IL23R: variants seen among roughly 807,000 people sequenced by gnomAD.
The protein encoded by IL23R is interleukin 23 receptor, also known as interleukin-23 receptor.
Under a neutral mutation model 56.9 loss-of-function variants are expected in IL23R, and 34 were observed. The observed-to-expected ratio is 0.60, with a 90% CI of 0.45 to 0.80. The LOEUF is 0.80. Ranked by LOEUF, IL23R falls within the 30% of genes least tolerant of loss-of-function variation. IL23R has a pLI of 0.00. For synonymous variants in IL23R, 230 were observed against 249.2 expected, an observed-to-expected ratio of 0.92 and a Z score of 0.73; for missense variants, 635 against 730.0, an observed-to-expected ratio of 0.87 and a Z score of 1.50.
downstream of IL23R, among the ~76,000 whole-genome samples, chr1:67,263,141 A>C (rs1385255581): frequency 9.0e-6 from 1 of 110,874 alleles, no homozygotes; most frequent in Admixed American, 1.1e-4. Context: ...TTAACAGGTC[A>C]CCCAGGCTGG....
At chr1:67,263,863 C>CA (rs11321157), downstream of IL23R, among the ~76,000 whole-genome samples, 12,215 of 134,030 alleles carry the variant, frequency 0.091, 656 homozygotes, top group Admixed American at 0.15. Flanking sequence ...GACTCCATCG[C>CA]AAAAAAAAAA....
intron 6 of IL23R, among the ~76,000 whole-genome samples, chr1:67,213,277 T>C (rs544671827): frequency 6.6e-6 from 1 of 152,286 alleles, no homozygotes; most frequent in Non-Finnish European, 1.5e-5. Context: ...GGGGATCCAA[T>C]GATGTAAGAA....
chr1:67,240,213 G>T lies in IL23R; in HGVS notation c.1080G>T (p.Met360Ile), dbSNP rs751263927. The T allele has an allele frequency of 1.3e-5, 21 of 1,612,678 alleles. No individual in the cohort carries two copies. Among genetic ancestry groups the T allele is most frequent in the Non-Finnish European group, 1.8e-5 (21 of 1,178,946 alleles). The change falls in exon 9 of 11, where the codon ATG (methionine) becomes ATT (isoleucine). Residue 360 changes from methionine to isoleucine, a missense_variant. Transcript: ENST00000347310. Reference sequence around the variant, plus strand: ...GAGACATTGGACTTTTATTGGGAATGATCGTCTTTGCTGTTATGTTGTCAA... The same window carrying T: ...GAGACATTGGACTTTTATTGGGAATTATCGTCTTTGCTGTTATGTTGTCAA... ...NRGDIGLLLG[M>I]IVFAVMLSIL...
rs75814578 is a variant in IL23R, at chr1:67,154,257, T to C, written c.-633-13835T>C. Among the ~76,000 whole-genome samples the C allele has an allele frequency of 5.2e-3, 796 of 152,356 alleles. 8 individuals are homozygous for C. Among genetic ancestry groups the C allele is most frequent in the African/African-American group, 0.017 (705 of 41,578 alleles). On this transcript the variant is annotated intron_variant, in intron 1 of 10. Transcript: ENST00000637002. ...TGTTGATTAGGGATGGAGAGTTCTTTAGATGTCTATTAGGTGCACTTGATC... is the reference window on the plus strand; with the variant it reads ...TGTTGATTAGGGATGGAGAGTTCTTCAGATGTCTATTAGGTGCACTTGATC...
At chr1:67,147,998 G>T (rs902474374) in intron 1 of IL23R, among the ~76,000 whole-genome samples, 7 of 152,212 alleles carry the variant, frequency 4.6e-5, no homozygotes, top group African/African-American at 1.7e-4. Flanking sequence ...CTTGAGCCAT[G>T]TGGTGAGTGT....
Position 67,259,438 on chromosome 1 carries a change from A to G in IL23R, c.*310A>G. ...TTAATTTTAGCCATTCTTCTGCCTC[A>G]TTTCTTAAAATTAGAGAATTAAGGT... On this transcript the variant is annotated 3_prime_UTR_variant, in exon 11 of 11. Coordinates refer to ENST00000347310, the MANE Select transcript of IL23R (RefSeq NM_144701.3). The G allele has an allele frequency of 2.8e-6, 1 of 355,210 alleles. No individual in the cohort carries two copies. Among genetic ancestry groups the G allele is most frequent in the Non-Finnish European group, 5.2e-6 (1 of 192,062 alleles). The allele number at this position is 355,210 out of a possible 1,614,324, so 22.0% of individuals were successfully genotyped here. A position where few individuals can be genotyped will look rare whatever the true frequency, so the allele number is the denominator to read the frequency against.
At chr1:67,187,111 T>A (rs1647395908) in intron 4 of IL23R, among the ~76,000 whole-genome samples, 1 of 152,258 alleles carries the variant, frequency 6.6e-6, no homozygotes, top group Non-Finnish European at 1.5e-5. Context: ...ATAGAATTCC[T>A]GGGTCTCTTG....
At position 67,259,193 on chromosome 1, in the gene IL23R, A is replaced by G. The variant is rs1427518330; in HGVS notation, c.*65A>G. On this transcript the variant is annotated 3_prime_UTR_variant, in exon 11 of 11. Coordinates refer to ENST00000347310, the MANE Select transcript of IL23R (RefSeq NM_144701.3). ...AATCTGAACTTGGGTTTTCCCTGCAATAGAAATTGAATTCTGCCTCTTTTT... is the reference window on the plus strand; with the variant it reads ...AATCTGAACTTGGGTTTTCCCTGCAGTAGAAATTGAATTCTGCCTCTTTTT... The G allele has an allele frequency of 2.0e-6, 3 of 1,497,480 alleles. No homozygotes were observed. The highest frequency in any genetic ancestry group is 2.8e-6 in the Non-Finnish European group (3 of 1,078,022). 92.8% of individuals were successfully genotyped at this position (1,497,480 alleles called of 1,614,324 possible).
chr1:67,151,714 T>C (rs1646729859), intron 1 of IL23R, among the ~76,000 whole-genome samples: 1 of 152,256 alleles, frequency 6.6e-6, no homozygotes. Context: ...GGGAATCCTT[T>C]CCCCATTGCT....
chr1:67,162,807 G>T (rs921184566), upstream of IL23R, among the ~76,000 whole-genome samples: 1 of 152,140 alleles, frequency 6.6e-6, no homozygotes, highest in East Asian at 1.9e-4. Flanking sequence ...TGAGATGGAG[G>T]GATGCTATTC....
At chr1:67,246,303 C>T (rs7551201) in intron 9 of IL23R, among the ~76,000 whole-genome samples, 17,775 of 152,088 alleles carry the variant, frequency 0.12, 1,587 homozygotes, top group African/African-American at 0.25. Flanking sequence ...TTTCATGTCT[C>T]TGTCTCCTTC....
chr1:67,224,632 C>A (rs1650499373), intron 7 of IL23R, among the ~76,000 whole-genome samples: 1 of 152,308 alleles, frequency 6.6e-6, no homozygotes, highest in South Asian at 2.1e-4. Flanking sequence ...AAAAATGAAC[C>A]AAACCAACTC....
intron 7 of IL23R, among the ~76,000 whole-genome samples, chr1:67,227,152 C>A (rs1267295972): frequency 6.6e-6 from 1 of 152,210 alleles, no homozygotes; most frequent in Admixed American, 6.5e-5. Context: ...GACAATTTGT[C>A]ATTGTAGAAA....
intron 7 of IL23R, among the ~76,000 whole-genome samples, chr1:67,236,485 A>C (rs958709446): frequency 2.0e-5 from 3 of 152,218 alleles, no homozygotes; most frequent in Non-Finnish European, 4.4e-5. Context: ...ACCTAGGTAG[A>C]TTATAGTTGC....
intron 1 of IL23R, among the ~76,000 whole-genome samples, chr1:67,157,695 A>T (rs1322388309): frequency 6.6e-6 from 1 of 152,196 alleles, no homozygotes; most frequent in Non-Finnish European, 1.5e-5. Flanking sequence ...ATCTTTGCTC[A>T]AATATTGTAT....
At chr1:67,210,791 A>C (rs1048027928) in intron 6 of IL23R, among the ~76,000 whole-genome samples, 4 of 152,144 alleles carry the variant, frequency 2.6e-5, no homozygotes, top group African/African-American at 7.2e-5. Context: ...CTTAATTAAC[A>C]GTTATGTATC....
intron 1 of IL23R, among the ~76,000 whole-genome samples, chr1:67,156,795 C>A (rs1646773332): frequency 6.6e-6 from 1 of 152,186 alleles, no homozygotes; most frequent in South Asian, 2.1e-4. Context: ...TCCCTGGCTT[C>A]AGCCCCCTTT....
intron 6 of IL23R, among the ~76,000 whole-genome samples, chr1:67,217,091 A>AT (rs907884951): frequency 9.9e-5 from 15 of 151,936 alleles, no homozygotes; most frequent in Non-Finnish European, 1.8e-4. Context: ...TAGGTTGGAG[A>AT]TTTTTTCTTC....
chr1:67,157,020 C>A (rs1246531793), intron 1 of IL23R, among the ~76,000 whole-genome samples: 1 of 152,126 alleles, frequency 6.6e-6, no homozygotes, highest in Non-Finnish European at 1.5e-5. Context: ...GTAGCACAGT[C>A]CCTTACCGCT....
Sources: gnomAD v4.1 joint callset for allele counts (sites outside exome capture counted in the v4.1 genomes callset) on GRCh38, gnomAD v4.1.1 for gene constraint, MANE v1.5 for transcripts, NCBI Gene and HGNC (gene_info 2026-07-23, HGNC 2026-07-21) for gene names.